C12orf50: variants seen among roughly 807,000 people sequenced by gnomAD.
The protein encoded by C12orf50 is uncharacterized protein C12orf50.
A neutral mutation model predicts 61.6 loss-of-function variants in C12orf50; 35 were observed. The observed-to-expected ratio is 0.57, with a 90% CI of 0.43 to 0.75. C12orf50 has a LOEUF of 0.75. C12orf50 is among the 30% of genes least tolerant of loss of function. C12orf50 has a pLI of 0.00. For missense variants in C12orf50, 475 were observed against 488.5 expected (o/e 0.97, Z 0.26); for synonymous variants, 178 against 161.5 (o/e 1.10, Z -0.77).
chr12:87,991,765 C>A (rs2031134111), intron 7 of C12orf50, among the ~76,000 whole-genome samples: 1 of 152,092 alleles, frequency 6.6e-6, no homozygotes, highest in Non-Finnish European at 1.5e-5. Flanking sequence ...GGATACAGAG[C>A]AAGCTAATCT....
intron 11 of C12orf50, chr12:87,983,423 G>A: frequency 3.8e-6 from 1 of 263,854 alleles, no homozygotes; most frequent in South Asian, 6.1e-5. Flanking sequence ...TTAAGTTTTA[G>A]GGTACATGTG....
At chr12:87,998,298 T>G in intron 3 of C12orf50, 108 bp from the exon 4 acceptor site, 1 of 753,692 alleles carries the variant, frequency 1.3e-6, no homozygotes, top group Non-Finnish European at 2.0e-6. Context: ...TTTTAAAATG[T>G]GTACAATAAT....
At chr12:88,006,771 C>T (rs1263047803) in intron 3 of C12orf50, among the ~76,000 whole-genome samples, 1 of 152,052 alleles carries the variant, frequency 6.6e-6, no homozygotes, top group Non-Finnish European at 1.5e-5. Flanking sequence ...CAGCTTTCTC[C>T]CCCCAGAAAG....
intron 3 of C12orf50, among the ~76,000 whole-genome samples, chr12:88,009,813 A>G (rs2032029108): frequency 6.6e-6 from 1 of 152,058 alleles, no homozygotes; most frequent in Non-Finnish European, 1.5e-5. Context: ...TTGGTGGTTT[A>G]TCTTTTTACT....
chr12:87,985,895 T>C lies in C12orf50; in HGVS notation c.1081A>G (p.Asn361Asp), dbSNP rs1442591443. The change falls in exon 11 of 13, where the codon AAT becomes GAT. Residue 361 changes from asparagine (N) to aspartate (D), a missense_variant. Physicochemically the swap from Asn to Asp is conservative, Grantham distance 23 (BLOSUM62 1). Coordinates refer to ENST00000298699, the MANE Select transcript of C12orf50 (RefSeq NM_152589.3). ...GGTTCCCTGTTAGCATGGACTTTAT[T>C]GTAGGACCCATGCGTGGGCCTGCTG... ...SRSRPTHGSYNKVHANREPKP... is the reference protein window; with the variant it reads ...SRSRPTHGSYDKVHANREPKP... 6 of 1,613,530 alleles carry C rather than the reference T, an allele frequency of 3.7e-6. No homozygotes were observed. Among genetic ancestry groups the C allele is most frequent in the South Asian group, 3.3e-5 (3 of 91,076 alleles).
At chr12:87,996,339 T>C (rs765122070) in intron 6 of C12orf50, 35 bp downstream of exon 6, 2 of 1,380,992 alleles carry the variant, frequency 1.4e-6, no homozygotes, top group South Asian at 1.2e-5. Flanking sequence ...GTATATGTTA[T>C]AGATCACTAT....
intron 11 of C12orf50, chr12:87,984,212 A>C (rs113052562): frequency 1.6e-3 from 240 of 152,090 alleles, no homozygotes; most frequent in African/African-American, 5.5e-3. Context: ...CTGTTCATAT[A>C]CTTTGCCCAC....
At chr12:88,028,263 A>T (rs1009041825) in intron 1 of C12orf50, among the ~76,000 whole-genome samples, 8 of 152,160 alleles carry the variant, frequency 5.3e-5, no homozygotes, top group African/African-American at 1.7e-4. Flanking sequence ...ATTCTTTATT[A>T]TCCTAGCATT....
chr12:88,027,375 C>T (rs1234321082), intron 1 of C12orf50, among the ~76,000 whole-genome samples: 1 of 152,136 alleles, frequency 6.6e-6, no homozygotes, highest in Admixed American at 6.5e-5. Flanking sequence ...TCCAGTGACA[C>T]TTTGATCACA....
chr12:88,023,739 C>T (rs1454876171), intron 3 of C12orf50, among the ~76,000 whole-genome samples: 3 of 150,012 alleles, frequency 2.0e-5, no homozygotes, highest in East Asian at 3.9e-4. Context: ...TAGGACATGA[C>T]AAAGATTTCA....
rs761622583 is a variant in C12orf50 at position 87,996,417 on chromosome 12, T to C, written c.438A>G (p.Lys146=). Residue 146 remains lysine, a synonymous_variant, in exon 6 of 13, where the codon AAA becomes AAG. Coordinates refer to ENST00000298699, the MANE Select transcript of C12orf50 (RefSeq NM_152589.3). ...CATTTTCCAAAGGCTTTTCTAACTG[T>C]TTTTCTGCTGTAGGTGTCATGCTTT... The part of the protein sequence containing the change: ...SSKSMTPTAE[K]QLEKPLENGS... 2 of 1,613,304 alleles carry C rather than the reference T, an allele frequency of 1.2e-6. No homozygotes were observed. The highest frequency in any genetic ancestry group is 2.7e-5 in the African/African-American group (2 of 74,902).
chr12:88,010,420 A>ATTCCATTTAT (rs1565755145), intron 3 of C12orf50, among the ~76,000 whole-genome samples: 4 of 123,800 alleles, frequency 3.2e-5, no homozygotes, highest in Admixed American at 7.4e-5. Flanking sequence ...TTATAAGATT[A>ATTCCATTTAT]AAATTATTAT....
At chr12:87,992,743 A>G (rs1415983020) in intron 7 of C12orf50, among the ~76,000 whole-genome samples, 1 of 152,160 alleles carries the variant, frequency 6.6e-6, no homozygotes, top group Non-Finnish European at 1.5e-5. Flanking sequence ...GAGTACCATA[A>G]ATATGGTTAT....
intron 3 of C12orf50, among the ~76,000 whole-genome samples, chr12:88,013,797 A>G (rs2032203380): frequency 6.6e-6 from 1 of 152,202 alleles, no homozygotes; most frequent in South Asian, 2.1e-4. Flanking sequence ...ACAAAAGTAT[A>G]ATGAAGCATC....
intron 7 of C12orf50, among the ~76,000 whole-genome samples, chr12:87,993,775 G>T (rs936873470): frequency 1.5e-4 from 23 of 152,104 alleles, no homozygotes; most frequent in African/African-American, 5.6e-4. Flanking sequence ...ACAAACGCTT[G>T]GAATTTTCAG....
At chr12:88,002,051 T>C (rs2031675595) in intron 3 of C12orf50, among the ~76,000 whole-genome samples, 1 of 151,818 alleles carries the variant, frequency 6.6e-6, no homozygotes, top group Non-Finnish European at 1.5e-5. Context: ...TTAGGTTTAA[T>C]GTGCTTTTCT....
At chr12:88,015,421 C>T (rs572249420) in intron 3 of C12orf50, among the ~76,000 whole-genome samples, 2 of 152,210 alleles carry the variant, frequency 1.3e-5, no homozygotes, top group Non-Finnish European at 2.9e-5. Context: ...CAAGGCATCA[C>T]TGGACACTGA....
intron 4 of C12orf50, 85 bp downstream of exon 4, chr12:87,997,950 T>C: frequency 9.2e-7 from 1 of 1,088,800 alleles, no homozygotes; most frequent in Non-Finnish European, 1.3e-6. Context: ...ATATATTACA[T>C]CATAAACCTT....
chr12:87,987,053 G>A (rs182330471), intron 9 of C12orf50, among the ~76,000 whole-genome samples: 9 of 152,208 alleles, frequency 5.9e-5, no homozygotes, highest in Admixed American at 2.0e-4. Flanking sequence ...TGTAGAGGGG[G>A]CATTCTGTTA....
Sources: gnomAD v4.1 joint callset for allele counts (sites outside exome capture counted in the v4.1 genomes callset) on GRCh38, gnomAD v4.1.1 for gene constraint, MANE v1.5 for transcripts, NCBI Gene and HGNC (gene_info 2026-07-23, HGNC 2026-07-21) for gene names.